OPHN1: variants seen among roughly 807,000 people sequenced by gnomAD.
OPHN1 encodes oligophrenin 1.
In OPHN1, 11 loss-of-function variants were observed where a neutral mutation model predicts 60.7. That is an observed-to-expected ratio of 0.18 (90% CI 0.11 to 0.30). The LOEUF (loss-of-function observed/expected upper bound fraction) is 0.30, where lower values mean the gene tolerates loss of function less well. OPHN1 is among the 10% of genes least tolerant of loss of function. OPHN1 has a pLI of 1.00. For missense variants in OPHN1, 449 were observed against 611.0 expected (o/e 0.73, Z 2.80); for synonymous variants, 226 against 222.6 (o/e 1.02, Z -0.14).
In OPHN1 at chrX:68,393,117, G is replaced by T. The variant is rs757727007; in HGVS notation, c.154+39750C>A. Among the ~76,000 whole-genome samples, 6 of 112,028 alleles carry T rather than the reference G, an allele frequency of 5.4e-5. No homozygotes were observed. In the Admixed American group the frequency reaches 5.7e-4, roughly 11 times the overall value. On this transcript the variant is annotated intron_variant, in intron 2 of 24. Transcript: ENST00000355520. The stretch of plus-strand genomic sequence containing the variant: ...CTTGGGCTCCTCCACCTGTTCACCT[G>T]CATGCTCCGCTTCCCGTAAGGGGTT...
At chrX:68,356,782 C>T (rs1320781536) in intron 2 of OPHN1, among the ~76,000 whole-genome samples, 2 of 111,352 alleles carry the variant, frequency 1.8e-5, no homozygotes, top group African/African-American at 6.5e-5. Context: ...CTTCTGAATA[C>T]ACTGAGGTCT....
chrX:68,411,431 G>A (rs1208819938), intron 2 of OPHN1, among the ~76,000 whole-genome samples: 7 of 112,252 alleles, frequency 6.2e-5, no homozygotes, highest in African/African-American at 2.3e-4. Flanking sequence ...GCCAGCATCT[G>A]TTATTTTTTG....
intron 21 of OPHN1, among the ~76,000 whole-genome samples, chrX:68,056,572 G>C (rs1474272380): frequency 9.0e-6 from 1 of 110,505 alleles, no homozygotes; most frequent in East Asian, 2.8e-4. Context: ...CATCAGACTG[G>C]GTATACAGCA....
chrX:68,415,743 G>A (rs1208799220), intron 2 of OPHN1, among the ~76,000 whole-genome samples: 2 of 111,120 alleles, frequency 1.8e-5, no homozygotes, highest in African/African-American at 6.6e-5. Context: ...GGCTGGGTGT[G>A]GTGGCCCATG....
chrX:68,404,923 G>T (rs910864595), intron 2 of OPHN1, among the ~76,000 whole-genome samples: 2 of 111,071 alleles, frequency 1.8e-5, no homozygotes, highest in Non-Finnish European at 3.8e-5. Context: ...GGGGGGAGAA[G>T]GGGGAATTAG....
intron 10 of OPHN1, among the ~76,000 whole-genome samples, chrX:68,206,046 T>C (rs1322782942): frequency 7.4e-5 from 8 of 107,599 alleles, no homozygotes. Context: ...GTAAGTAAAC[T>C]ATTTTTTTCA....
Position 68,071,077 on chromosome X carries a change from T to C in OPHN1, c.1834+2075A>G, listed in dbSNP as rs2076932259. 4 of 1,110,309 alleles carry C rather than the reference T, an allele frequency of 3.6e-6. No individual in the cohort carries two copies. In the East Asian group the frequency reaches 1.2e-4, roughly 33 times the overall value. 91.5% of individuals were successfully genotyped at this position (1,110,309 alleles called of 1,213,427 possible). A position where few individuals can be genotyped will look rare whatever the true frequency, so the allele number is the denominator to read the frequency against. ...AGCCGTTCCACCACCAATAATCATC[T>C]CATTGACTTTGTCCAGCATATTATT... is the stretch of plus-strand genomic sequence containing the variant. On this transcript the variant is annotated intron_variant, in intron 20 of 24. Transcript: ENST00000355520.
chrX:68,324,371 G>A (rs143456891), intron 2 of OPHN1, among the ~76,000 whole-genome samples: 2,680 of 109,477 alleles, frequency 0.024, 80 homozygotes, highest in African/African-American at 0.084. Flanking sequence ...GGGAGACCCA[G>A]GCAAGAGGAT....
chrX:68,107,850 T>C (rs62607062), intron 18 of OPHN1, among the ~76,000 whole-genome samples: 2,296 of 112,062 alleles, frequency 0.02, 23 homozygotes, highest in Non-Finnish European at 0.03. Context: ...ATTGTAAAGA[T>C]ACATTGTTTT....
chrX:68,277,499 T>C (rs1460314797), intron 4 of OPHN1, among the ~76,000 whole-genome samples: 3 of 112,097 alleles, frequency 2.7e-5, no homozygotes, highest in Non-Finnish European at 5.6e-5. Flanking sequence ...TTTAAAAAAA[T>C]GTAATACAGG....
At chrX:68,432,720 T>G in intron 2 of OPHN1, 147 bp downstream of exon 2, 1 of 601,419 alleles carries the variant, frequency 1.7e-6, no homozygotes. Context: ...TTCTACTATC[T>G]CCACTCCCCA....
chrX:68,255,017 G>GA (rs748466618), intron 5 of OPHN1, among the ~76,000 whole-genome samples: 1,005 of 32,890 alleles, frequency 0.031, 9 homozygotes, highest in African/African-American at 0.042. Flanking sequence ...TCTGCCTCAA[G>GA]AAAAAAAAAA....
intron 19 of OPHN1, among the ~76,000 whole-genome samples, chrX:68,085,644 C>A (rs1405526171): frequency 8.9e-6 from 1 of 111,995 alleles, no homozygotes; most frequent in East Asian, 2.8e-4. Flanking sequence ...TTGCGGAAAA[C>A]TCCACAGTTT....
Position 68,235,056 on chromosome X carries a change from G to A in OPHN1, c.385-468C>T, listed in dbSNP as rs1355012991. Reference sequence around the variant, plus strand: ...CATTTCCAAAGAAATAGGAACCTGGGATTGTCTCTTTTTAATAAATTACTT... The same window carrying A: ...CATTTCCAAAGAAATAGGAACCTGGAATTGTCTCTTTTTAATAAATTACTT... On this transcript the variant is annotated intron_variant, in intron 5 of 24. Coordinates refer to ENST00000355520, the MANE Select transcript of OPHN1 (RefSeq NM_002547.3). Among the ~76,000 whole-genome samples, 4 of 111,846 alleles carry A rather than the reference G, an allele frequency of 3.6e-5. No homozygotes were observed. The Admixed American group carries it at 3.8e-4, about 11-fold the overall frequency.
intron 4 of OPHN1, among the ~76,000 whole-genome samples, chrX:68,277,686 G>A (rs1232385218): frequency 9.0e-6 from 1 of 111,461 alleles, no homozygotes; most frequent in Admixed American, 9.5e-5. Context: ...AGCTACTCGG[G>A]AGGCTGAGGC....
intron 18 of OPHN1, among the ~76,000 whole-genome samples, chrX:68,099,873 C>T (rs957869685): frequency 7.1e-5 from 8 of 112,059 alleles, no homozygotes; most frequent in Non-Finnish European, 1.3e-4. Context: ...CAACAGATTG[C>T]CAGACTGAGA....
chrX:68,224,492 T>C (rs2077679899), intron 6 of OPHN1, among the ~76,000 whole-genome samples: 1 of 111,237 alleles, frequency 9.0e-6, no homozygotes, highest in South Asian at 3.8e-4. Flanking sequence ...ACCTCAATTC[T>C]ACAAAAAATA....
At chrX:68,099,531 A>T (rs1407556931) in intron 18 of OPHN1, among the ~76,000 whole-genome samples, 1 of 112,003 alleles carries the variant, frequency 8.9e-6, no homozygotes, top group East Asian at 2.8e-4. Context: ...TTAGAGACAC[A>T]CCATCAACAG....
At chrX:68,247,631 T>C (rs2077812845) in intron 5 of OPHN1, among the ~76,000 whole-genome samples, 1 of 110,494 alleles carries the variant, frequency 9.1e-6, no homozygotes. Flanking sequence ...CAAGAATAAA[T>C]TGCCAGGTGG....
Sources: allele counts gnomAD v4.1 joint callset (sites outside exome capture counted in the v4.1 genomes callset), GRCh38; gene constraint gnomAD v4.1.1; transcripts MANE v1.5; gene names NCBI Gene and HGNC (gene_info 2026-07-23, HGNC 2026-07-21).